Variants in PCLO observed in about 807,000 individuals in gnomAD.
PCLO encodes the protein piccolo presynaptic cytomatrix protein, also known as protein piccolo.
Under a neutral mutation model 427.5 loss-of-function variants are expected in PCLO, and 82 were observed. That is an observed-to-expected ratio of 0.19 (90% CI 0.16 to 0.23). The LOEUF (loss-of-function observed/expected upper bound fraction) is 0.23, where lower values mean the gene tolerates loss of function less well. Ranked by LOEUF, PCLO falls within the 10% of genes least tolerant of loss-of-function variation. The pLI is 1.00. For synonymous variants in PCLO, 2,357 were observed against 2,155.4 expected, an observed-to-expected ratio of 1.09 and a Z score of -2.59; for missense variants, 6,239 against 6,115.9, an observed-to-expected ratio of 1.02 and a Z score of -0.67.
intron 22 of PCLO, among the ~76,000 whole-genome samples, chr7:82,775,208 G>A (rs1435625476): frequency 1.3e-5 from 2 of 152,130 alleles, no homozygotes; most frequent in Non-Finnish European, 2.9e-5. Flanking sequence ...TCCATGGGCA[G>A]GTTTTTTTGT....
rs1427056869 is a variant in PCLO at position 83,096,879 on chromosome 7, ATATAT to A, written c.3300+37366_3300+37370del. ...TATAAAAATATATTATATAATATAA[ATATAT>A]TATATAATATATTAATATTATATTA... On this transcript the variant is annotated intron_variant, in intron 3 of 24. Coordinates refer to ENST00000333891, the MANE Select transcript of PCLO (RefSeq NM_033026.6). Among the ~76,000 whole-genome samples, 4 of 74,206 alleles carry A rather than the reference ATATAT, an allele frequency of 5.4e-5. 1 individual carries two copies. Among genetic ancestry groups the A allele is most frequent in the Non-Finnish European group, 8.8e-5 (4 of 45,216 alleles). 48.7% of individuals were successfully genotyped at this position (74,206 alleles called of 152,430 possible). A position where few individuals can be genotyped will look rare whatever the true frequency, so the allele number is the denominator to read the frequency against.
chr7:83,124,932 T>G (rs533872587), intron 3 of PCLO, among the ~76,000 whole-genome samples: 1 of 152,240 alleles, frequency 6.6e-6, no homozygotes, highest in African/African-American at 2.4e-5. Context: ...TTTTTGCATT[T>G]TTTGGTGGAG....
chr7:82,838,716 CTAAT>C (rs1792291092), intron 14 of PCLO, among the ~76,000 whole-genome samples: 3 of 151,670 alleles, frequency 2.0e-5, no homozygotes, highest in Admixed American at 2.0e-4. Context: ...AAGAAATTAA[CTAAT>C]TGGTAAATTA....
intron 22 of PCLO, among the ~76,000 whole-genome samples, chr7:82,766,052 G>C (rs181365274): frequency 3.4e-4 from 51 of 152,126 alleles, no homozygotes; most frequent in African/African-American, 9.6e-4. Context: ...GAGTACAACA[G>C]ATATCACAAA....
chr7:83,125,189 T>G (rs1791402244), intron 3 of PCLO, among the ~76,000 whole-genome samples: 2 of 151,968 alleles, frequency 1.3e-5, no homozygotes, highest in African/African-American at 4.8e-5. Context: ...GTCTAGGAAG[T>G]GAGGAGCCTC....
At chr7:82,951,737 A>G in intron 5 of PCLO, 119 bp downstream of exon 5, 1 of 1,401,460 alleles carries the variant, frequency 7.1e-7, no homozygotes, top group Non-Finnish European at 9.4e-7. Flanking sequence ...CTGCTATAAC[A>G]TCCAAAGAAA....
intron 6 of PCLO, among the ~76,000 whole-genome samples, chr7:82,921,224 T>C (rs1290632682): frequency 2.6e-5 from 4 of 151,872 alleles, no homozygotes; most frequent in Non-Finnish European, 5.9e-5. Flanking sequence ...ATAAAAAAAC[T>C]ATTCTAAAAT....
intron 22 of PCLO, among the ~76,000 whole-genome samples, chr7:82,778,749 C>G (rs1325259869): frequency 6.6e-6 from 1 of 151,894 alleles, no homozygotes; most frequent in Non-Finnish European, 1.5e-5. Context: ...ATCTGCCATG[C>G]CTTTCAATTT....
intron 22 of PCLO, among the ~76,000 whole-genome samples, chr7:82,775,374 G>T (rs370762563): frequency 6.6e-6 from 1 of 152,284 alleles, no homozygotes; most frequent in East Asian, 1.9e-4. Context: ...GAGCATTCCT[G>T]TTGCTCCACA....
intron 3 of PCLO, among the ~76,000 whole-genome samples, chr7:82,992,894 A>T (rs549176529): frequency 6.6e-6 from 1 of 152,266 alleles, no homozygotes; most frequent in African/African-American, 2.4e-5. Flanking sequence ...GAAATAGCAC[A>T]AGAATCATCT....
Position 82,754,146 on chromosome 7 carries a change from G to A in PCLO, c.*4429C>T, listed in dbSNP as rs1230040330. 6.6e-6 allele frequency: 1 copy of A among 151,754 alleles called. No individual in the cohort carries two copies. The highest frequency in any genetic ancestry group is 1.9e-4 in the East Asian group (1 of 5,186). The allele number at this position is 151,754 out of a possible 1,614,324, so 9.4% of individuals were successfully genotyped here. A position where few individuals can be genotyped will look rare whatever the true frequency, so the allele number is the denominator to read the frequency against. On this transcript the variant is annotated 3_prime_UTR_variant, in exon 25 of 25. Coordinates refer to ENST00000333891, the MANE Select transcript of PCLO (RefSeq NM_033026.6). ...TTTTACATAGAGTAAAACTCAAGACGGATTTACAAGCATTTTTTTTTAAAT... is the reference window on the plus strand; with the variant it reads ...TTTTACATAGAGTAAAACTCAAGACAGATTTACAAGCATTTTTTTTTAAAT...
intron 3 of PCLO, among the ~76,000 whole-genome samples, chr7:83,065,999 T>C (rs1185948164): frequency 2.6e-5 from 4 of 152,146 alleles, no homozygotes; most frequent in South Asian, 2.1e-4. Context: ...GCTGTATTCA[T>C]CCATGTTTCT....
intron 8 of PCLO, among the ~76,000 whole-genome samples, chr7:82,904,143 A>G (rs1435548874): frequency 1.3e-5 from 2 of 151,986 alleles, no homozygotes; most frequent in African/African-American, 4.8e-5. Context: ...AAGTATAATA[A>G]GTCAATTCAG....
chr7:82,867,883 A>C (rs1013549784), intron 10 of PCLO, among the ~76,000 whole-genome samples: 1 of 152,196 alleles, frequency 6.6e-6, no homozygotes, highest in South Asian at 2.1e-4. Flanking sequence ...GTATCTAATC[A>C]CTAGTATCGT....
At position 82,922,000 on chromosome 7, in the gene PCLO, G is replaced by A. The variant is rs189039960; in HGVS notation, c.11113-5127C>T. On this transcript the variant is annotated intron_variant, in intron 6 of 24. Coordinates refer to ENST00000333891, the MANE Select transcript of PCLO (RefSeq NM_033026.6). ...AAATGCTCAACATCAGTAATCATTAGGGGAATGCAAATCAAAACCACAATG... is the reference window on the plus strand; with the variant it reads ...AAATGCTCAACATCAGTAATCATTAAGGGAATGCAAATCAAAACCACAATG... Among the ~76,000 whole-genome samples, 55 of 152,070 alleles carry A rather than the reference G, an allele frequency of 3.6e-4. No homozygotes were observed. In the East Asian group the frequency reaches 0.01, roughly 29 times the overall value.
intron 3 of PCLO, among the ~76,000 whole-genome samples, chr7:83,023,882 T>C (rs374809109): frequency 6.6e-6 from 1 of 152,224 alleles, no homozygotes; most frequent in East Asian, 1.9e-4. Context: ...TCAATAAGTC[T>C]TGAAATTCCA....
intron 16 of PCLO, among the ~76,000 whole-genome samples, chr7:82,829,311 C>T (rs964849772): frequency 6.6e-6 from 1 of 152,156 alleles, no homozygotes; most frequent in Non-Finnish European, 1.5e-5. Context: ...ACCCACTTCC[C>T]TCTTGCCCCT....
intron 1 of PCLO, among the ~76,000 whole-genome samples, chr7:83,157,889 G>A (rs1043643721): frequency 3.3e-5 from 5 of 151,832 alleles, no homozygotes; most frequent in African/African-American, 1.2e-4. Flanking sequence ...GGTTCTAATT[G>A]GGTTTACCAA....
intron 3 of PCLO, among the ~76,000 whole-genome samples, chr7:82,991,951 C>T (rs17157003): frequency 0.011 from 1,676 of 152,148 alleles, 36 homozygotes; most frequent in African/African-American, 0.038. Context: ...ACATGACAAT[C>T]TATTAGTGGC....
Sources: gnomAD v4.1 joint callset for allele counts (sites outside exome capture counted in the v4.1 genomes callset) on GRCh38, gnomAD v4.1.1 for gene constraint, MANE v1.5 for transcripts, NCBI Gene and HGNC (gene_info 2026-07-23, HGNC 2026-07-21) for gene names.